Variants in ATE1 observed in about 807,000 individuals in gnomAD.
ATE1 encodes arginyltransferase 1, also known as arginyl-tRNA--protein transferase 1.
Under a neutral mutation model 70.5 loss-of-function variants are expected in ATE1, and 36 were observed. The observed-to-expected ratio is 0.51, with a 90% CI of 0.39 to 0.67. The LOEUF is 0.67. Ranked by LOEUF, ATE1 falls within the 30% of genes least tolerant of loss-of-function variation. The probability of loss-of-function intolerance (pLI) is 0.00; values close to 1 mark genes in which losing one functional copy is unlikely to be tolerated. For synonymous variants in ATE1, 232 were observed against 219.3 expected, an observed-to-expected ratio of 1.06 and a Z score of -0.51; for missense variants, 593 against 629.5, an observed-to-expected ratio of 0.94 and a Z score of 0.62.
At chr10:121,770,233 A>AACAC (rs3036837) in intron 11 of ATE1, among the ~76,000 whole-genome samples, 27,003 of 136,658 alleles carry the variant, frequency 0.2, 2,862 homozygotes, top group Non-Finnish European at 0.25. Flanking sequence ...ACAAGAGAGA[A>AACAC]ACACACACAC....
chr10:121,892,250 T>C (rs750576985), intron 7 of ATE1, among the ~76,000 whole-genome samples: 7 of 117,060 alleles, frequency 6.0e-5, no homozygotes, highest in Non-Finnish European at 1.2e-4. Context: ...CGGTGAAGAA[T>C]CTCATCTGCA....
At chr10:121,885,260 C>CA (rs1212899309) in intron 7 of ATE1, among the ~76,000 whole-genome samples, 3,770 of 33,198 alleles carry the variant, frequency 0.11, 366 homozygotes, top group Non-Finnish European at 0.14. Flanking sequence ...GACTCCGTCT[C>CA]AAAAAAAAAA....
intron 11 of ATE1, among the ~76,000 whole-genome samples, chr10:121,778,887 G>A (rs1456861442): frequency 6.6e-6 from 1 of 152,062 alleles, no homozygotes; most frequent in Admixed American, 6.5e-5. Flanking sequence ...ACAGGTTCAC[G>A]TGAGCCACTG....
intron 10 of ATE1, among the ~76,000 whole-genome samples, chr10:121,829,976 T>G (rs1257912992): frequency 1.3e-5 from 2 of 152,216 alleles, no homozygotes; most frequent in Non-Finnish European, 1.5e-5. Context: ...ATTCATTTTC[T>G]GTGAGTTATT....
At chr10:121,872,967 T>C (rs372542540) in intron 7 of ATE1, among the ~76,000 whole-genome samples, 1 of 152,136 alleles carries the variant, frequency 6.6e-6, no homozygotes, top group East Asian at 1.9e-4. Flanking sequence ...TTACAAAATA[T>C]CTGATTCTGC....
intron 11 of ATE1, among the ~76,000 whole-genome samples, chr10:121,779,799 C>T (rs7091811): frequency 0.94 from 143,771 of 152,284 alleles, 68,099 homozygotes; most frequent in Non-Finnish European, 0.98. Flanking sequence ...TTTTAAGCCA[C>T]GATTCTAGTC....
In ATE1 at chr10:121,747,679, T is replaced by A. The variant is rs999034623; in HGVS notation, c.1379-3821A>T. ...ATTCCCTGCATTAAATTTTCTCTGT[T>A]GTAAATACTTGAAGTGGTTTTGGTG... On this transcript the variant is annotated intron_variant, in intron 11 of 11. Transcript: ENST00000224652. Among the ~76,000 whole-genome samples the A allele has an allele frequency of 2.0e-4, 30 of 152,336 alleles. 3 individuals are homozygous for A. Among genetic ancestry groups the A allele is most frequent in the Admixed American group, 2.0e-3 (30 of 15,300 alleles).
chr10:121,914,022 G>C, intron 3 of ATE1, 129 bp from the exon 4 acceptor site: 1 of 635,948 alleles, frequency 1.6e-6, no homozygotes, highest in Non-Finnish European at 2.6e-6. Flanking sequence ...GGGGCTTAAT[G>C]TAGCCTCTAA....
chr10:121,745,528 A>G (rs1001929654), intron 11 of ATE1, among the ~76,000 whole-genome samples: 4 of 152,174 alleles, frequency 2.6e-5, no homozygotes, highest in Non-Finnish European at 2.9e-5. Flanking sequence ...CATTCTGGCT[A>G]ACACGGTGAA....
chr10:121,824,510 T>A (rs1394025479), intron 10 of ATE1, among the ~76,000 whole-genome samples: 4 of 152,220 alleles, frequency 2.6e-5, no homozygotes, highest in Admixed American at 6.5e-5. Context: ...CACCTACTTT[T>A]GGGCAAAGCC....
intron 10 of ATE1, among the ~76,000 whole-genome samples, chr10:121,809,902 C>CAA (rs377283028): frequency 2.1e-5 from 3 of 141,134 alleles, no homozygotes; most frequent in East Asian, 2.1e-4. Flanking sequence ...CAAAACAAAA[C>CAA]AAAAAAAAAA....
chr10:121,814,923 CA>C (rs1337051024), intron 10 of ATE1, among the ~76,000 whole-genome samples: 1 of 152,202 alleles, frequency 6.6e-6, no homozygotes, highest in Non-Finnish European at 1.5e-5. Flanking sequence ...CTCCAATCCT[CA>C]AATATATGTG....
chr10:121,890,080 C>T (rs887804539), intron 7 of ATE1, among the ~76,000 whole-genome samples: 3 of 152,098 alleles, frequency 2.0e-5, no homozygotes, highest in African/African-American at 7.2e-5. Context: ...TCTGGGTGTT[C>T]ATTACATTCT....
chr10:121,797,739 A>G (rs1268078569), intron 10 of ATE1, among the ~76,000 whole-genome samples: 3 of 152,070 alleles, frequency 2.0e-5, no homozygotes, highest in Non-Finnish European at 4.4e-5. Flanking sequence ...TCCCTTGCAC[A>G]TGCTAGGCCT....
chr10:121,874,570 C>A (rs1949969158), intron 7 of ATE1, among the ~76,000 whole-genome samples: 1 of 152,122 alleles, frequency 6.6e-6, no homozygotes, highest in Non-Finnish European at 1.5e-5. Context: ...GTAAAAAGGG[C>A]AGATTCAAGT....
At chr10:121,744,542 A>G (rs1205827293) in intron 11 of ATE1, among the ~76,000 whole-genome samples, 2 of 152,126 alleles carry the variant, frequency 1.3e-5, no homozygotes. Context: ...CTCTCCCTGT[A>G]CCAACATATT....
chr10:121,840,725 C>G (rs1279649964), intron 9 of ATE1, among the ~76,000 whole-genome samples: 1 of 150,938 alleles, frequency 6.6e-6, no homozygotes, highest in Non-Finnish European at 1.5e-5. Flanking sequence ...ATTATAGATA[C>G]TAGTTATACA....
chr10:121,768,647 A>G (rs911445867), intron 11 of ATE1, among the ~76,000 whole-genome samples: 2 of 152,198 alleles, frequency 1.3e-5, no homozygotes, highest in Non-Finnish European at 2.9e-5. Flanking sequence ...TCATTCACCA[A>G]TCAGAGATTG....
At chr10:121,890,476 T>A (rs1192371133) in intron 7 of ATE1, among the ~76,000 whole-genome samples, 1 of 152,120 alleles carries the variant, frequency 6.6e-6, no homozygotes, top group African/African-American at 2.4e-5. Flanking sequence ...CTGTTGAAAC[T>A]AGGTGAGGGA....
Sources: gnomAD v4.1 joint callset for allele counts (sites outside exome capture counted in the v4.1 genomes callset) on GRCh38, gnomAD v4.1.1 for gene constraint, MANE v1.5 for transcripts, NCBI Gene and HGNC (gene_info 2026-07-23, HGNC 2026-07-21) for gene names.